HSD17B12: variants seen among roughly 807,000 people sequenced by gnomAD.
HSD17B12 encodes the protein very-long-chain 3-oxoacyl-CoA reductase.
A neutral mutation model predicts 39.3 loss-of-function variants in HSD17B12; 32 were observed. That is an observed-to-expected ratio of 0.81 (90% confidence interval 0.61 to 1.09). The LOEUF (loss-of-function observed/expected upper bound fraction) is 1.09, where lower values mean the gene tolerates loss of function less well. Among genes scored for constraint, HSD17B12 ranks in the 50% least tolerant of loss-of-function variants. The pLI is 0.00. For missense variants in HSD17B12, 342 were observed against 382.9 expected, an observed-to-expected ratio of 0.89 and a Z score of 0.89; for synonymous variants, 150 against 146.7, an observed-to-expected ratio of 1.02 and a Z score of -0.16.
At chr11:43,785,577 T>A (rs1369574132) in intron 3 of HSD17B12, among the ~76,000 whole-genome samples, 1 of 152,192 alleles carries the variant, frequency 6.6e-6, no homozygotes, top group Non-Finnish European at 1.5e-5. Context: ...CTGCAATTTG[T>A]TATTTTGGTT....
chr11:43,683,091 T>C (rs2134738832), intron 1 of HSD17B12, among the ~76,000 whole-genome samples: 1 of 149,908 alleles, frequency 6.7e-6, no homozygotes, highest in South Asian at 2.1e-4. Flanking sequence ...CATGCCTGGA[T>C]GTGTTTTTTT....
At chr11:43,723,522 A>C (rs1358924818) in intron 1 of HSD17B12, among the ~76,000 whole-genome samples, 2 of 152,180 alleles carry the variant, frequency 1.3e-5, no homozygotes, top group East Asian at 1.9e-4. Flanking sequence ...GTTGGGAGGA[A>C]ATAGTCTTTT....
chr11:43,656,094 G>A, the HSD17B12 span, among the ~76,000 whole-genome samples: 2 of 152,124 alleles, frequency 1.3e-5, no homozygotes, highest in African/African-American at 4.8e-5. Flanking sequence ...CCTGTTATTC[G>A]TCTATTCAGA....
chr11:43,668,282 C>T, the HSD17B12 span, among the ~76,000 whole-genome samples: 1 of 152,118 alleles, frequency 6.6e-6, no homozygotes. Flanking sequence ...TTCCTGGTCT[C>T]CTGGACCCGT....
At chr11:43,618,110 G>A in the HSD17B12 span, among the ~76,000 whole-genome samples, 5 of 152,138 alleles carry the variant, frequency 3.3e-5, no homozygotes, top group African/African-American at 9.7e-5. Context: ...GGTCACCACA[G>A]TTCTGCAATT....
Position 43,831,295 on chromosome 11 carries a change from C to G in HSD17B12, c.536+285C>G, listed in dbSNP as rs1232734429. On this transcript the variant is annotated intron_variant, in intron 7 of 10. Coordinates refer to ENST00000278353, the MANE Select transcript of HSD17B12 (RefSeq NM_016142.3). This position sits in a 1 kb window ranked among gnomAD's most constrained non-coding sequence, Gnocchi z 4.1. ...TCACCATCACTAACTCAATTGCCTA[C>G]TATTCTGAGGGGGCGGATAGAGTTC... 2 of 229,672 alleles carry G rather than the reference C, an allele frequency of 8.7e-6. No individual in the cohort carries two copies. The highest frequency in any genetic ancestry group is 8.4e-6 in the Non-Finnish European group (1 of 118,490). The allele number at this position is 229,672 out of a possible 1,614,324, so 14.2% of individuals were successfully genotyped here. A position where few individuals can be genotyped will look rare whatever the true frequency, so the allele number is the denominator to read the frequency against.
intron 3 of HSD17B12, among the ~76,000 whole-genome samples, chr11:43,769,186 T>C (rs1950626706): frequency 6.6e-6 from 1 of 152,220 alleles, no homozygotes; most frequent in Non-Finnish European, 1.5e-5. Context: ...GTGATCCGCC[T>C]GCCTCAGCCT....
chr11:43,743,134 G>A (rs1018791619), intron 1 of HSD17B12, among the ~76,000 whole-genome samples: 6 of 152,136 alleles, frequency 3.9e-5, no homozygotes, highest in African/African-American at 1.4e-4. Flanking sequence ...AAATGTTCTT[G>A]CTGGGCATAA....
chr11:43,668,265 G>A, the HSD17B12 span, among the ~76,000 whole-genome samples: 3 of 152,168 alleles, frequency 2.0e-5, no homozygotes, highest in Non-Finnish European at 2.9e-5. Context: ...TCTAGAGGCT[G>A]TGCACATTCC....
At chr11:43,735,167 A>G (rs1454658944) in intron 1 of HSD17B12, among the ~76,000 whole-genome samples, 9 of 152,226 alleles carry the variant, frequency 5.9e-5, no homozygotes, top group Admixed American at 5.2e-4. Flanking sequence ...TTATTCAGCC[A>G]TCATTTGTTG....
chr11:43,813,835 A>G (rs946539825), intron 4 of HSD17B12, among the ~76,000 whole-genome samples: 1 of 152,200 alleles, frequency 6.6e-6, no homozygotes, highest in Non-Finnish European at 1.5e-5. Context: ...CTAATTAAAT[A>G]AAGTTTGCTT....
At chr11:43,565,678 C>A in the HSD17B12 span, among the ~76,000 whole-genome samples, 4 of 152,212 alleles carry the variant, frequency 2.6e-5, no homozygotes, top group Non-Finnish European at 5.9e-5. Flanking sequence ...AGTCTTATAG[C>A]TCATTCCCAA....
chr11:43,851,352 A>G (rs990639839), intron 9 of HSD17B12, among the ~76,000 whole-genome samples: 3 of 152,204 alleles, frequency 2.0e-5, no homozygotes, highest in African/African-American at 7.2e-5. Flanking sequence ...CCTGTTTCCC[A>G]TAATGTTTTC....
upstream of HSD17B12, chr11:43,680,549 A>T (rs945749709): frequency 1.7e-5 from 8 of 477,538 alleles, no homozygotes; most frequent in Non-Finnish European, 2.3e-5. Flanking sequence ...GGGGTGAGAC[A>T]GGGCGCTCAC....
intron 1 of HSD17B12, chr11:43,734,441 G>T: frequency 1.4e-6 from 1 of 729,914 alleles, no homozygotes; most frequent in Non-Finnish European, 2.5e-6. Flanking sequence ...ACTGGCCACC[G>T]CAGGGGACAG....
chr11:43,737,442 C>T (rs139031163), intron 1 of HSD17B12, among the ~76,000 whole-genome samples: 71 of 152,330 alleles, frequency 4.7e-4, no homozygotes, highest in African/African-American at 1.2e-3. Flanking sequence ...GCAAGCTAGA[C>T]ACTTCTGGAT....
At chr11:43,828,436 C>T (rs923488984) in intron 6 of HSD17B12, among the ~76,000 whole-genome samples, 2 of 152,038 alleles carry the variant, frequency 1.3e-5, no homozygotes, top group Non-Finnish European at 2.9e-5. Flanking sequence ...CCACCGCGCC[C>T]GGCCACTTTT....
the HSD17B12 span, among the ~76,000 whole-genome samples, chr11:43,662,141 A>C: frequency 6.6e-6 from 1 of 151,300 alleles, no homozygotes; most frequent in South Asian, 2.1e-4. Flanking sequence ...TCCAGACTGC[A>C]GTGTGCTGTG....
intron 9 of HSD17B12, chr11:43,852,090 A>G (rs1251778033): frequency 2.6e-5 from 4 of 152,252 alleles, no homozygotes; most frequent in African/African-American, 9.6e-5. Context: ...TATACTTTCT[A>G]GAAAAGAATT....
Sources: allele counts gnomAD v4.1 joint callset (sites outside exome capture counted in the v4.1 genomes callset), GRCh38; gene constraint gnomAD v4.1.1; non-coding constraint Gnocchi (gnomAD v3.1); transcripts MANE v1.5; gene names NCBI Gene and HGNC (gene_info 2026-07-23, HGNC 2026-07-21).